The following TSPAN13 variants were observed in gnomAD, a reference collection of about 807,000 sequenced individuals.
TSPAN13 encodes tetraspanin 13.
A neutral mutation model predicts 26.9 loss-of-function variants in TSPAN13; 18 were observed. That is an observed-to-expected ratio of 0.67 (90% confidence interval 0.46 to 0.99). TSPAN13 has a LOEUF of 0.99. TSPAN13 is among the 50% of genes least tolerant of loss of function. TSPAN13 has a pLI of 0.00. For missense variants in TSPAN13, 201 were observed against 249.6 expected (o/e 0.81, Z 1.31); for synonymous variants, 116 against 98.4 (o/e 1.18, Z -1.06).
chr7:16,754,125 C>T (rs2082554986), intron 1 of TSPAN13, 95 bp downstream of exon 1: 3 of 1,287,112 alleles, frequency 2.3e-6, no homozygotes, highest in African/African-American at 1.7e-5. Flanking sequence ...TCACTCGTTG[C>T]ATCCCGCGCC....
intron 1 of TSPAN13, among the ~76,000 whole-genome samples, chr7:16,770,498 C>G (rs972338686): frequency 6.6e-6 from 1 of 152,222 alleles, no homozygotes; most frequent in Non-Finnish European, 1.5e-5. Flanking sequence ...GCGTGAGCCA[C>G]CGCGCCCAGC....
chr7:16,780,224 C>T (rs886144619), intron 5 of TSPAN13, among the ~76,000 whole-genome samples: 3 of 151,894 alleles, frequency 2.0e-5, no homozygotes, highest in Non-Finnish European at 2.9e-5. Flanking sequence ...CTCAGCCTCC[C>T]GAGTAGCTGG....
rs10274171 is a variant in TSPAN13 at position 16,762,452 on chromosome 7, C to T, written c.63+8422C>T. Among the ~76,000 whole-genome samples the T allele has an allele frequency of 3.6e-3, 543 of 152,230 alleles. 3 individuals are homozygous for T. The highest frequency in any genetic ancestry group is 0.012 in the African/African-American group (510 of 41,544). On this transcript the variant is annotated intron_variant, in intron 1 of 5. Coordinates refer to ENST00000262067, the MANE Select transcript of TSPAN13 (RefSeq NM_014399.4). Reference sequence around the variant, plus strand: ...AGGAATGGTGGCTAATGAATAACCTCGGGCGATAATCCAGGCCCTTCCCAT... The same window carrying T: ...AGGAATGGTGGCTAATGAATAACCTTGGGCGATAATCCAGGCCCTTCCCAT...
intron 2 of TSPAN13, among the ~76,000 whole-genome samples, chr7:16,776,626 G>A (rs1784752972): frequency 1.3e-5 from 2 of 152,038 alleles, no homozygotes; most frequent in East Asian, 1.9e-4. Context: ...TTTATGTATT[G>A]TAAATTCAGA....
intron 2 of TSPAN13, 95 bp from the exon 3 acceptor site, chr7:16,776,947 A>T: frequency 1.4e-6 from 1 of 717,706 alleles, no homozygotes; most frequent in Non-Finnish European, 2.3e-6. Flanking sequence ...TGGGTTAATT[A>T]CTTCTTGTGC....
At chr7:16,779,776 CT>C (rs34638889) in intron 5 of TSPAN13, among the ~76,000 whole-genome samples, 238 of 143,058 alleles carry the variant, frequency 1.7e-3, no homozygotes, top group African/African-American at 4.0e-3. Context: ...GATTAATATT[CT>C]TTTTTTTTTT....
chr7:16,760,951 A>G (rs767384695), intron 1 of TSPAN13, among the ~76,000 whole-genome samples: 1 of 152,192 alleles, frequency 6.6e-6, no homozygotes, highest in Non-Finnish European at 1.5e-5. Flanking sequence ...TGTGGTTGGC[A>G]TTTAGTTAAT....
chr7:16,773,648 T>C (rs1320178603), intron 1 of TSPAN13, among the ~76,000 whole-genome samples: 1 of 152,266 alleles, frequency 6.6e-6, no homozygotes, highest in Non-Finnish European at 1.5e-5. Flanking sequence ...AATTAACTTT[T>C]AATTTACTAT....
At position 16,762,622 on chromosome 7, in the gene TSPAN13, C is replaced by G. The variant is rs77671358; in HGVS notation, c.63+8592C>G. Among the ~76,000 whole-genome samples the G allele has an allele frequency of 8.1e-3, 1,234 of 152,232 alleles. 5 individuals carry two copies. The highest frequency in any genetic ancestry group is 0.012 in the Admixed American group (186 of 15,280). Reference sequence around the variant, plus strand: ...GAGTTTAGCCGGAAGTAATAGAAACCCAGCTATCACTGCTTAAAATGGTAA... The same window carrying G: ...GAGTTTAGCCGGAAGTAATAGAAACGCAGCTATCACTGCTTAAAATGGTAA... On this transcript the variant is annotated intron_variant, in intron 1 of 5. Coordinates refer to ENST00000262067, the MANE Select transcript of TSPAN13 (RefSeq NM_014399.4).
intron 4 of TSPAN13, 101 bp downstream of exon 4, chr7:16,778,012 G>T: frequency 1.2e-6 from 1 of 833,980 alleles, no homozygotes; most frequent in Admixed American, 2.8e-5. Flanking sequence ...GTATTTTCAG[G>T]ATTATTTTAT....
intron 1 of TSPAN13, among the ~76,000 whole-genome samples, chr7:16,773,305 C>T (rs1399142185): frequency 6.8e-6 from 1 of 147,544 alleles, no homozygotes; most frequent in East Asian, 2.0e-4. Context: ...GTACAGCCTG[C>T]TAACTTAGAA....
intron 1 of TSPAN13, among the ~76,000 whole-genome samples, chr7:16,755,390 T>C (rs1188999274): frequency 1.3e-5 from 2 of 152,182 alleles, no homozygotes; most frequent in Admixed American, 6.5e-5. Flanking sequence ...TGGTCATTAA[T>C]AGTAGACTTG....
chr7:16,765,395 C>T (rs1176981726), intron 1 of TSPAN13, among the ~76,000 whole-genome samples: 5 of 152,178 alleles, frequency 3.3e-5, no homozygotes, highest in Non-Finnish European at 4.4e-5. Flanking sequence ...TGAGCCACTG[C>T]GCCTGGCCTG....
intron 1 of TSPAN13, among the ~76,000 whole-genome samples, chr7:16,758,553 C>T (rs1301199867): frequency 1.3e-5 from 2 of 152,156 alleles, no homozygotes; most frequent in Non-Finnish European, 2.9e-5. Flanking sequence ...AGCTATTCTT[C>T]ACAGGTAAAA....
chr7:16,756,347 G>A (rs1480712731), intron 1 of TSPAN13, among the ~76,000 whole-genome samples: 2 of 152,176 alleles, frequency 1.3e-5, no homozygotes, highest in Admixed American at 1.3e-4. Flanking sequence ...TGTGCTCAAC[G>A]CTACAGGATT....
rs1242317327 is a variant in TSPAN13 at position 16,763,341 on chromosome 7, T to C, written c.63+9311T>C. ...CAATTTTGCAGGTATTGAAAGTTTATGATCAACACAAGGTGAAGCTTGTGT... is the reference window on the plus strand; with the variant it reads ...CAATTTTGCAGGTATTGAAAGTTTACGATCAACACAAGGTGAAGCTTGTGT... On this transcript the variant is annotated intron_variant, in intron 1 of 5. Transcript: ENST00000262067. 2.0e-5 allele frequency among the ~76,000 whole-genome samples: 3 copies of C among 152,342 alleles called. No homozygotes were observed. In the East Asian group the frequency reaches 5.8e-4, roughly 29 times the overall value.
At chr7:16,767,079 T>C (rs963461518) in intron 1 of TSPAN13, among the ~76,000 whole-genome samples, 1 of 152,146 alleles carries the variant, frequency 6.6e-6, no homozygotes, top group Non-Finnish European at 1.5e-5. Flanking sequence ...CCAGCTACTG[T>C]TGAGACTATA....
intron 5 of TSPAN13, among the ~76,000 whole-genome samples, chr7:16,782,084 G>A (rs1192181024): frequency 1.3e-5 from 2 of 152,172 alleles, no homozygotes; most frequent in African/African-American, 4.8e-5. Context: ...TTTTGTGAAA[G>A]CTATTGGGGG....
chr7:16,765,069 C>T (rs978018857), intron 1 of TSPAN13, among the ~76,000 whole-genome samples: 1 of 151,686 alleles, frequency 6.6e-6, no homozygotes. Flanking sequence ...TGTGCTGTAG[C>T]GTTCTGTGTT....
Sources: allele counts gnomAD v4.1 joint callset (sites outside exome capture counted in the v4.1 genomes callset), GRCh38; gene constraint gnomAD v4.1.1; transcripts MANE v1.5; gene names NCBI Gene and HGNC (gene_info 2026-07-23, HGNC 2026-07-21).